CDH2: variants seen among roughly 807,000 people sequenced by gnomAD.
CDH2 encodes the protein cadherin-2.
A neutral mutation model predicts 92.0 loss-of-function variants in CDH2; 17 were observed. The ratio of observed to expected loss-of-function variants is 0.18; its 90% CI spans 0.13 to 0.28. The LOEUF is 0.28. Among genes scored for constraint, CDH2 ranks in the 10% least tolerant of loss-of-function variants. The pLI is 1.00. For missense variants in CDH2, 862 were observed against 1,133.1 expected, an observed-to-expected ratio of 0.76 and a Z score of 3.44; for synonymous variants, 419 against 415.9, an observed-to-expected ratio of 1.01 and a Z score of -0.09.
chr18:27,954,812 G>A (rs1206180262), intron 15 of CDH2, among the ~76,000 whole-genome samples: 1 of 152,128 alleles, frequency 6.6e-6, no homozygotes. Flanking sequence ...AACTGGTAGA[G>A]ACACAGCTAC....
rs920124690 is a variant in CDH2 at position 28,141,576 on chromosome 18, C to G, written c.172+6097G>C. The stretch of plus-strand genomic sequence containing the variant: ...AATCTAATCCCTTCTTCTAATTCCA[C>G]CGCTACCACTTTGATCCACACCACC... On this transcript the variant is annotated intron_variant, in intron 2 of 15. Coordinates refer to ENST00000269141, the MANE Select transcript of CDH2 (RefSeq NM_001792.5). Among the ~76,000 whole-genome samples the G allele has an allele frequency of 9.2e-5, 14 of 152,098 alleles. 1 individual carries two copies. Among genetic ancestry groups the G allele is most frequent in the Middle Eastern group, 3.4e-3 (1 of 294 alleles).
At chr18:28,133,581 C>CAAAAAAAA in intron 2 of CDH2, among the ~76,000 whole-genome samples, 1 of 47,248 alleles carries the variant, frequency 2.1e-5, no homozygotes, top group Non-Finnish European at 4.2e-5. Context: ...GACTCTGTCT[C>CAAAAAAAA]AAAAAAAAAA....
chr18:27,936,247 CATAAT>C (rs907909703), intron 6 of CDH2, among the ~76,000 whole-genome samples: 8 of 152,168 alleles, frequency 5.3e-5, no homozygotes, highest in African/African-American at 1.7e-4. Flanking sequence ...TTTTGCCTCT[CATAAT>C]AGCCTTTTAA....
intron 6 of CDH2, among the ~76,000 whole-genome samples, chr18:27,938,162 C>G (rs972402487): frequency 2.0e-5 from 3 of 152,058 alleles, no homozygotes; most frequent in African/African-American, 7.2e-5. Context: ...GCTGGCTCCC[C>G]CTTCGCCTTC....
chr18:27,938,109 C>G (rs1193646775), intron 6 of CDH2, among the ~76,000 whole-genome samples: 1 of 151,968 alleles, frequency 6.6e-6, no homozygotes, highest in Non-Finnish European at 1.5e-5. Context: ...ATGTGTGGCA[C>G]CGCCCCCATC....
intron 2 of CDH2, among the ~76,000 whole-genome samples, chr18:28,085,194 C>A (rs1354514719): frequency 6.6e-6 from 1 of 152,072 alleles, no homozygotes; most frequent in Non-Finnish European, 1.5e-5. Flanking sequence ...TTGTACACAG[C>A]CATAAACTTA....
intron 2 of CDH2, among the ~76,000 whole-genome samples, chr18:28,056,120 G>C (rs2014288469): frequency 1.3e-5 from 2 of 151,854 alleles, no homozygotes; most frequent in South Asian, 4.1e-4. Flanking sequence ...GTCCTAAAAG[G>C]ACTGGTTGTT....
intron 10 of CDH2, among the ~76,000 whole-genome samples, chr18:27,989,503 T>C (rs1440387613): frequency 6.6e-6 from 1 of 152,164 alleles, no homozygotes; most frequent in African/African-American, 2.4e-5. Context: ...TTTAATGAAA[T>C]ATAAGTTCAT....
intron 5 of CDH2, among the ~76,000 whole-genome samples, chr18:28,007,165 A>AAAAATATATATAT (rs1172779200): frequency 5.4e-5 from 6 of 110,502 alleles, no homozygotes; most frequent in African/African-American, 1.8e-4. Context: ...ATAAAAAAAA[A>AAAAATATATATAT]ATATATATAT....
intron 1 of CDH2, among the ~76,000 whole-genome samples, chr18:28,155,305 T>G (rs1337382664): frequency 6.6e-6 from 1 of 152,240 alleles, no homozygotes; most frequent in East Asian, 1.9e-4. Context: ...GTACAGGTCT[T>G]TAGGATTGTT....
chr18:27,977,268 C>T lies in CDH2; in HGVS notation c.2349+5676G>A, dbSNP rs541545749. On this transcript the variant is annotated intron_variant, in intron 14 of 15. Coordinates refer to ENST00000269141, the MANE Select transcript of CDH2 (RefSeq NM_001792.5). ...TTCAAATATGGGCCCAACCTAGCCT[C>T]CTGACAATCTAAGCCACAGCAGAAG... Among the ~76,000 whole-genome samples the T allele has an allele frequency of 3.3e-5, 5 of 152,276 alleles. No homozygotes were observed. The East Asian group carries it at 9.7e-4, about 29-fold the overall frequency.
chr18:28,140,181 T>C (rs2015929754), intron 2 of CDH2, among the ~76,000 whole-genome samples: 1 of 151,990 alleles, frequency 6.6e-6, no homozygotes, highest in Non-Finnish European at 1.5e-5. Flanking sequence ...TACCTAAATA[T>C]GAGTGTTTTA....
intron 15 of CDH2, among the ~76,000 whole-genome samples, chr18:27,957,423 T>C (rs1037408599): frequency 1.7e-5 from 1 of 57,250 alleles, no homozygotes; most frequent in African/African-American, 4.4e-5. Flanking sequence ...CTAATTTTTG[T>C]TTTTTTTTGT....
rs566639797 is a variant in CDH2 at position 28,105,943 on chromosome 18, T to C, written c.172+41730A>G. On this transcript the variant is annotated intron_variant, in intron 2 of 15. Transcript: ENST00000269141. ...AATTGAGGATTTATTGTAAAAGCAATAACCAGAAGTTGTAATAGATACGAA... is the reference window on the plus strand; with the variant it reads ...AATTGAGGATTTATTGTAAAAGCAACAACCAGAAGTTGTAATAGATACGAA... Among the ~76,000 whole-genome samples, 16 of 152,208 alleles carry C rather than the reference T, an allele frequency of 1.1e-4. 1 individual carries two copies. Among genetic ancestry groups the C allele is most frequent in the Admixed American group, 3.9e-4 (6 of 15,282 alleles).
chr18:27,943,009 C>T (rs984323641), intron 6 of CDH2, among the ~76,000 whole-genome samples: 2 of 152,140 alleles, frequency 1.3e-5, no homozygotes, highest in South Asian at 4.2e-4. Context: ...CCTTCCCCAC[C>T]ACACACCCAC....
At chr18:28,156,419 CAGAATGTCACCTTCCCAGGTAT>C (rs1568020358) in intron 1 of CDH2, among the ~76,000 whole-genome samples, 17 of 142,420 alleles carry the variant, frequency 1.2e-4, no homozygotes, top group East Asian at 4.2e-4. Flanking sequence ...TTCCCAGGTA[CAGAATGTCACCTTCCCAGGTAT>C]AGCATGTCAC....
In CDH2 at chr18:27,985,072, C is replaced by T. The variant is rs199712566; in HGVS notation, c.2137G>A (p.Asp713Asn). 6.2e-7 allele frequency: 1 copy of T among 1,614,164 alleles called. No homozygotes were observed. The highest frequency in any genetic ancestry group is 1.7e-5 in the Admixed American group (1 of 60,014). Residue 713 changes from aspartate (D) to asparagine (N), a missense_variant, in exon 13 of 16, where the codon GAC becomes AAC. Physicochemically the swap from Asp to Asn is conservative, Grantham distance 23 (BLOSUM62 1). Around this residue, in one of 5 missense-constraint regions of CDH2, gnomAD observed 564 missense variants for 722.2 expected, o/e 0.78. Transcript: ENST00000269141. The stretch of plus-strand genomic sequence containing the variant: ...CCAAGCCCCGCACCCACAATCCTGT[C>T]CACATCTGTGCAGTCCCCGTTGGAG... ...CDSNGDCTDV[D>N]RIVGAGLGTG...
chr18:28,062,327 C>T (rs934986553), intron 2 of CDH2, among the ~76,000 whole-genome samples: 5 of 152,036 alleles, frequency 3.3e-5, no homozygotes, highest in Non-Finnish European at 5.9e-5. Context: ...ATAAATGAAA[C>T]AATCTGTCAA....
chr18:28,014,748 T>A (rs2013195794), intron 2 of CDH2, among the ~76,000 whole-genome samples: 1 of 151,922 alleles, frequency 6.6e-6, no homozygotes, highest in African/African-American at 2.4e-5. Context: ...AAACAACTAC[T>A]GCTGTCTTAA....
Sources: gnomAD v4.1 joint callset for allele counts (sites outside exome capture counted in the v4.1 genomes callset) on GRCh38, gnomAD v4.1.1 for gene constraint, gnomAD v4.1.1 regional missense constraint, MANE v1.5 for transcripts, NCBI Gene and HGNC (gene_info 2026-07-23, HGNC 2026-07-21) for gene names.